Variants in ITGBL1 observed in about 807,000 individuals in gnomAD.
The protein encoded by ITGBL1 is integrin beta-like protein 1.
Under a neutral mutation model 68.5 loss-of-function variants are expected in ITGBL1, and 51 were observed. The observed-to-expected ratio is 0.74, with a 90% CI of 0.59 to 0.94. The LOEUF (loss-of-function observed/expected upper bound fraction) is 0.94. Ranked by LOEUF, ITGBL1 falls within the 40% of genes least tolerant of loss-of-function variation. The probability of loss-of-function intolerance (pLI) is 0.00; values close to 1 mark genes in which losing one functional copy is unlikely to be tolerated. For missense variants in ITGBL1, 649 were observed against 647.4 expected, an observed-to-expected ratio of 1.00 and a Z score of -0.03; for synonymous variants, 209 against 227.3, an observed-to-expected ratio of 0.92 and a Z score of 0.72.
Position 101,665,629 on chromosome 13 carries a change from A to G in ITGBL1, c.1016-26956A>G, listed in dbSNP as rs183095271. Among the ~76,000 whole-genome samples, 519 of 152,172 alleles carry G rather than the reference A, an allele frequency of 3.4e-3. 4 individuals carry two copies. The highest frequency in any genetic ancestry group is 0.012 in the African/African-American group (501 of 41,508). ...TTTTCTTGCTTTGGGGCAATTAGCT[A>G]TGGCTTCTGTGTAATGTTGGTTAGG... On this transcript the variant is annotated intron_variant, in intron 7 of 10. Coordinates refer to ENST00000376180, the MANE Select transcript of ITGBL1 (RefSeq NM_004791.3).
intron 2 of ITGBL1, among the ~76,000 whole-genome samples, chr13:101,527,690 T>A (rs2049403647): frequency 6.6e-6 from 1 of 152,074 alleles, no homozygotes; most frequent in Non-Finnish European, 1.5e-5. Context: ...TTTTCAGAGT[T>A]TTAATTTAGC....
chr13:101,531,610 G>A (rs4771401), intron 2 of ITGBL1, among the ~76,000 whole-genome samples: 1 of 117,504 alleles, frequency 8.5e-6, no homozygotes, highest in African/African-American at 3.0e-5. Context: ...CGTATTTTTT[G>A]GGGGGAGGGG....
chr13:101,535,945 GGTTA>G (rs1403398124), intron 2 of ITGBL1, among the ~76,000 whole-genome samples: 2 of 151,938 alleles, frequency 1.3e-5, no homozygotes, highest in Non-Finnish European at 2.9e-5. Flanking sequence ...TATTTCTCAT[GGTTA>G]GTTCTGTACT....
intron 7 of ITGBL1, among the ~76,000 whole-genome samples, chr13:101,671,640 G>A (rs907111251): frequency 8.0e-5 from 12 of 150,252 alleles, no homozygotes; most frequent in African/African-American, 3.0e-4. Context: ...GGGTTTCACC[G>A]TGTTAGCCAG....
intron 7 of ITGBL1, among the ~76,000 whole-genome samples, chr13:101,631,673 T>C (rs894721683): frequency 2.0e-5 from 3 of 152,154 alleles, no homozygotes; most frequent in African/African-American, 7.2e-5. Context: ...GAGGTTATTG[T>C]AAAGTGTCAA....
intron 2 of ITGBL1, among the ~76,000 whole-genome samples, chr13:101,498,907 G>A (rs74578988): frequency 0.012 from 1,773 of 152,186 alleles, 34 homozygotes; most frequent in African/African-American, 0.04. Flanking sequence ...GAAAAGGCAC[G>A]TCTTACATGG....
intron 8 of ITGBL1, among the ~76,000 whole-genome samples, chr13:101,694,589 A>G (rs1444576568): frequency 2.0e-5 from 3 of 150,230 alleles, no homozygotes; most frequent in African/African-American, 7.5e-5. Flanking sequence ...ACAGCTGGCT[A>G]TTTATTTTTT....
At chr13:101,548,373 A>T (rs371024342) in intron 2 of ITGBL1, among the ~76,000 whole-genome samples, 6 of 151,980 alleles carry the variant, frequency 3.9e-5, no homozygotes, top group Admixed American at 3.3e-4. Context: ...ATCATTTTCC[A>T]TATTGAGAGA....
chr13:101,719,614 A>G (rs1434701788), downstream of ITGBL1: 8 of 152,070 alleles, frequency 5.3e-5, no homozygotes, highest in Non-Finnish European at 1.5e-5. Context: ...TACCAAAACA[A>G]CATTTCTGAG....
intron 2 of ITGBL1, among the ~76,000 whole-genome samples, chr13:101,478,492 T>C (rs1202146031): frequency 6.6e-6 from 1 of 151,892 alleles, no homozygotes; most frequent in African/African-American, 2.4e-5. Flanking sequence ...GACAATCAGA[T>C]AAGAAAAAGA....
chr13:101,500,357 G>C (rs1028538222), intron 2 of ITGBL1, among the ~76,000 whole-genome samples: 6 of 152,136 alleles, frequency 3.9e-5, no homozygotes, highest in Non-Finnish European at 8.8e-5. Flanking sequence ...CATTTATAAG[G>C]ATGCAATTAA....
At chr13:101,605,715 T>C (rs534531780) in intron 7 of ITGBL1, among the ~76,000 whole-genome samples, 33 of 151,670 alleles carry the variant, frequency 2.2e-4, no homozygotes, top group African/African-American at 7.0e-4. Context: ...TGTATGTGCG[T>C]ATATGCGTGT....
intron 2 of ITGBL1, among the ~76,000 whole-genome samples, chr13:101,520,327 C>CT (rs1025655297): frequency 1.8e-4 from 28 of 152,116 alleles, no homozygotes; most frequent in African/African-American, 6.5e-4. Flanking sequence ...TTTTGCATCT[C>CT]TTTTTTTAAC....
At chr13:101,454,759 T>G (rs2048218717) in intron 2 of ITGBL1, among the ~76,000 whole-genome samples, 1 of 152,168 alleles carries the variant, frequency 6.6e-6, no homozygotes. Flanking sequence ...AGAATATAGT[T>G]CACAGGCAGG....
chr13:101,618,817 A>T (rs1193741527), intron 7 of ITGBL1, among the ~76,000 whole-genome samples: 1 of 152,198 alleles, frequency 6.6e-6, no homozygotes. Context: ...TGCTCTGACC[A>T]AGAAAGATTA....
intron 4 of ITGBL1, among the ~76,000 whole-genome samples, chr13:101,578,351 C>T (rs1383494823): frequency 6.6e-6 from 1 of 152,056 alleles, no homozygotes; most frequent in Non-Finnish European, 1.5e-5. Flanking sequence ...TAGCCATAGA[C>T]TGATAAAACA....
At chr13:101,709,979 T>C (rs939187166) in intron 9 of ITGBL1, among the ~76,000 whole-genome samples, 1 of 152,188 alleles carries the variant, frequency 6.6e-6, no homozygotes, top group African/African-American at 2.4e-5. Flanking sequence ...GCATCATAAA[T>C]GTAGAAAATA....
chr13:101,524,635 A>G (rs1259777759), intron 2 of ITGBL1, among the ~76,000 whole-genome samples: 1 of 146,962 alleles, frequency 6.8e-6, no homozygotes, highest in Non-Finnish European at 1.5e-5. Flanking sequence ...GATAGATTGT[A>G]AAACTCAATG....
intron 2 of ITGBL1, among the ~76,000 whole-genome samples, chr13:101,556,516 T>TC (rs1388102450): frequency 2.0e-5 from 3 of 152,044 alleles, no homozygotes; most frequent in Non-Finnish European, 4.4e-5. Context: ...ATGCCTGTAA[T>TC]CCCAGCTACT....
Sources: gnomAD v4.1 joint callset for allele counts (sites outside exome capture counted in the v4.1 genomes callset) on GRCh38, gnomAD v4.1.1 for gene constraint, MANE v1.5 for transcripts, NCBI Gene and HGNC (gene_info 2026-07-23, HGNC 2026-07-21) for gene names.